FGF13: variants seen among roughly 807,000 people sequenced by gnomAD.
FGF13 encodes the protein fibroblast growth factor 13, also known as fibroblast growth factor homologous factor 2.
In FGF13, 2 loss-of-function variants were observed where a neutral mutation model predicts 19.5. That is an observed-to-expected ratio of 0.10 (90% confidence interval 0.04 to 0.32). FGF13 has a LOEUF of 0.32. Among genes scored for constraint, FGF13 ranks in the 10% least tolerant of loss-of-function variants. The pLI is 1.00. For synonymous variants in FGF13, 72 were observed against 76.9 expected, an observed-to-expected ratio of 0.94 and a Z score of 0.33; for missense variants, 113 against 192.7, an observed-to-expected ratio of 0.59 and a Z score of 2.45.
intron 1 of FGF13, among the ~76,000 whole-genome samples, chrX:138,721,871 AAT>A (rs1486552545): frequency 9.0e-6 from 1 of 110,599 alleles, no homozygotes; most frequent in African/African-American, 3.3e-5. Context: ...GGTGTTTGAT[AAT>A]ATGTCTATTT....
intron 1 of FGF13, among the ~76,000 whole-genome samples, chrX:139,170,568 A>G (rs977979548): frequency 5.4e-5 from 6 of 111,300 alleles, no homozygotes; most frequent in African/African-American, 2.0e-4. Context: ...TCCTTTCCCA[A>G]CCTATTCCCT....
intron 1 of FGF13, among the ~76,000 whole-genome samples, chrX:139,145,733 T>C (rs1009396741): frequency 3.6e-5 from 4 of 110,730 alleles, no homozygotes; most frequent in South Asian, 3.8e-4. Flanking sequence ...AAAATCTACC[T>C]CAAATGTCAT....
chrX:139,071,308 T>C (rs2092376000), intron 1 of FGF13, among the ~76,000 whole-genome samples: 3 of 112,021 alleles, frequency 2.7e-5, no homozygotes, highest in Non-Finnish European at 5.6e-5. Flanking sequence ...GTTTATGCCT[T>C]CTATTGGTTT....
At chrX:139,179,288 C>T (rs1387839020) in intron 1 of FGF13, among the ~76,000 whole-genome samples, 1 of 111,877 alleles carries the variant, frequency 8.9e-6, no homozygotes, top group East Asian at 2.8e-4. Context: ...TGTCTTCAAA[C>T]TTTTCATAAC....
At chrX:138,840,963 C>T (rs776908452) in intron 3 of FGF13, among the ~76,000 whole-genome samples, 1 of 111,294 alleles carries the variant, frequency 9.0e-6, no homozygotes, top group African/African-American at 3.3e-5. Flanking sequence ...GTTAACAGGT[C>T]ACAGAGTTAA....
chrX:138,649,380 A>G (rs187463806), intron 3 of FGF13, among the ~76,000 whole-genome samples: 1 of 112,063 alleles, frequency 8.9e-6, no homozygotes, highest in African/African-American at 3.2e-5. Context: ...AAACTCCCTC[A>G]CTAAGCTTCA....
chrX:138,768,889 G>A (rs942126062), intron 3 of FGF13, among the ~76,000 whole-genome samples: 1 of 108,903 alleles, frequency 9.2e-6, no homozygotes. Flanking sequence ...GATCCCTAGA[G>A]CCTCTGAGGG....
At chrX:138,872,076 G>A (rs1163854716) in intron 1 of FGF13, among the ~76,000 whole-genome samples, 2 of 112,162 alleles carry the variant, frequency 1.8e-5, no homozygotes, top group African/African-American at 6.5e-5. Flanking sequence ...ACAGTAGTTA[G>A]GACCAGTGGC....
At chrX:138,924,240 C>A (rs1163759534) in intron 1 of FGF13, among the ~76,000 whole-genome samples, 1 of 111,799 alleles carries the variant, frequency 8.9e-6, no homozygotes, top group Non-Finnish European at 1.9e-5. Flanking sequence ...ATGGTTTGAA[C>A]AATATCAGCA....
chrX:138,795,210 C>T (rs955178879), intron 3 of FGF13, among the ~76,000 whole-genome samples: 2 of 111,851 alleles, frequency 1.8e-5, no homozygotes, highest in Non-Finnish European at 3.8e-5. Context: ...CTTTATTGAC[C>T]AGCTAAAAAT....
chrX:138,983,329 T>C (rs1201609917), intron 1 of FGF13, among the ~76,000 whole-genome samples: 1 of 106,294 alleles, frequency 9.4e-6, no homozygotes, highest in Non-Finnish European at 1.9e-5. Flanking sequence ...CATGTGGCTA[T>C]CCAGTATTTC....
intron 3 of FGF13, among the ~76,000 whole-genome samples, chrX:138,693,795 A>G: frequency 9.0e-6 from 1 of 111,648 alleles, no homozygotes; most frequent in Middle Eastern, 4.6e-3. Flanking sequence ...GATAATGATC[A>G]TTTTCTTCAA....
chrX:138,737,689 G>A (rs952095814), intron 1 of FGF13, among the ~76,000 whole-genome samples: 5 of 111,827 alleles, frequency 4.5e-5, no homozygotes, highest in African/African-American at 1.6e-4. Context: ...AGAATTTCCT[G>A]TGTCACAGAT....
Position 138,749,322 on chromosome X carries a change from T to TACACACAC in FGF13, c.218-40402_218-40395dup, listed in dbSNP as rs34038080. Among the ~76,000 whole-genome samples the TACACACAC allele has an allele frequency of 5.0e-3, 405 of 81,691 alleles. 4 individuals are homozygous for TACACACAC. Among genetic ancestry groups the TACACACAC allele is most frequent in the African/African-American group, 0.015 (320 of 21,026 alleles). The allele number at this position is 81,691 out of a possible 115,157, so 70.9% of individuals were successfully genotyped here. A position where few individuals can be genotyped will look rare whatever the true frequency, so the allele number is the denominator to read the frequency against. On this transcript the variant is annotated intron_variant, in intron 3 of 6. Transcript: ENST00000436198. ...TAGTCCCAGGGGGGAGAGACCAAAA[T>TACACACAC]ACACACACACACACACACACACACA...
intron 1 of FGF13, among the ~76,000 whole-genome samples, chrX:138,868,365 TGTGTGTGTGTGTGC>T (rs1334385579): frequency 1.1e-5 from 1 of 92,812 alleles, no homozygotes; most frequent in Non-Finnish European, 1.9e-5. Context: ...CGGGGCCCAG[TGTGTGTGTGTGTGC>T]GTGTGTGTGT....
At chrX:138,805,830 G>C (rs1303883102) in intron 3 of FGF13, among the ~76,000 whole-genome samples, 1 of 111,085 alleles carries the variant, frequency 9.0e-6, no homozygotes, top group African/African-American at 3.3e-5. Flanking sequence ...GAAACTTTAT[G>C]CCCCTTGATT....
intron 1 of FGF13, among the ~76,000 whole-genome samples, chrX:139,038,364 T>G (rs960088343): frequency 2.7e-5 from 3 of 111,393 alleles, no homozygotes; most frequent in Non-Finnish European, 5.7e-5. Flanking sequence ...GTACCACCTG[T>G]TTCCTGTCGG....
chrX:139,047,714 A>T (rs1956062846), intron 1 of FGF13, among the ~76,000 whole-genome samples: 1 of 112,046 alleles, frequency 8.9e-6, no homozygotes, highest in Non-Finnish European at 1.9e-5. Context: ...GAGAAGATAT[A>T]TTCCACTTTT....
chrX:138,682,677 C>A, intron 3 of FGF13, among the ~76,000 whole-genome samples: 1 of 111,989 alleles, frequency 8.9e-6, no homozygotes, highest in South Asian at 3.7e-4. Flanking sequence ...CAGAAAGGAT[C>A]TCTGGGCATA....
Sources: gnomAD v4.1 joint callset for allele counts (sites outside exome capture counted in the v4.1 genomes callset) on GRCh38, gnomAD v4.1.1 for gene constraint, MANE v1.5 for transcripts, NCBI Gene and HGNC (gene_info 2026-07-23, HGNC 2026-07-21) for gene names.